RBFOX3: variants seen among roughly 807,000 people sequenced by gnomAD.
RBFOX3 encodes RNA binding fox-1 homolog 3, also known as RNA binding protein fox-1 homolog 3.
RBFOX3 carries 17 observed loss-of-function variants against 48.7 expected under a neutral mutation model. That is an observed-to-expected ratio of 0.35 (90% CI 0.24 to 0.52). The LOEUF is 0.52. Ranked by LOEUF, RBFOX3 falls within the 20% of genes least tolerant of loss-of-function variation. The pLI, the probability that RBFOX3 is intolerant of heterozygous loss-of-function variation, is 0.94. For missense variants in RBFOX3, 382 were observed against 497.5 expected (o/e 0.77, Z 2.21); for synonymous variants, 212 against 209.5 (o/e 1.01, Z -0.10).
chr17:79,333,139 G>T (rs949290527), intron 2 of RBFOX3, among the ~76,000 whole-genome samples: 2 of 152,114 alleles, frequency 1.3e-5, no homozygotes, highest in Admixed American at 6.5e-5. Flanking sequence ...GAGGAGGACA[G>T]GCCAGGGGAG....
the RBFOX3 span, among the ~76,000 whole-genome samples, chr17:79,659,340 G>C: frequency 2.0e-5 from 3 of 152,192 alleles, no homozygotes; most frequent in African/African-American, 7.2e-5. Flanking sequence ...GAGGGTATCT[G>C]GGTCAAGCGG....
chr17:79,198,302 G>A lies in RBFOX3; in HGVS notation c.-34+37464C>T, dbSNP rs1475397843. Reference sequence around the variant, plus strand: ...TGCACCTCTCCATCCCACATGAGGCGACCTTGCAGGCACAGGTGCGGACAG... The same window carrying A: ...TGCACCTCTCCATCCCACATGAGGCAACCTTGCAGGCACAGGTGCGGACAG... On this transcript the variant is annotated intron_variant, in intron 4 of 14. Transcript: ENST00000693108. The surrounding 1 kb of genome is among the most constrained non-coding windows in gnomAD (Gnocchi z 8.2). 3.9e-5 allele frequency among the ~76,000 whole-genome samples: 6 copies of A among 152,336 alleles called. No individual in the cohort carries two copies. The highest frequency in any genetic ancestry group is 2.0e-4 in the Admixed American group (3 of 15,298).
chr17:79,590,604 G>C (rs2093387641), intron 1 of RBFOX3, among the ~76,000 whole-genome samples: 1 of 152,138 alleles, frequency 6.6e-6, no homozygotes, highest in Non-Finnish European at 1.5e-5. Flanking sequence ...CCGCCTCCCA[G>C]GACATCCCAG....
intron 4 of RBFOX3, among the ~76,000 whole-genome samples, chr17:79,124,085 C>T (rs534369097): frequency 6.6e-6 from 1 of 152,344 alleles, no homozygotes; most frequent in African/African-American, 2.4e-5. Context: ...TGGCGGCTGG[C>T]TCATCCCAGC....
At chr17:79,266,864 G>A (rs1289229509) in intron 3 of RBFOX3, among the ~76,000 whole-genome samples, 1 of 152,112 alleles carries the variant, frequency 6.6e-6, no homozygotes, top group Admixed American at 6.5e-5. Flanking sequence ...GAGTGATGGG[G>A]TGAGGGCATA....
At chr17:79,656,507 G>A in the RBFOX3 span, among the ~76,000 whole-genome samples, 292 of 151,944 alleles carry the variant, frequency 1.9e-3, 1 homozygote, top group African/African-American at 6.6e-3. Flanking sequence ...GCAGCTATTC[G>A]GGAGGCTGAG....
At chr17:79,291,667 T>C (rs1183121958) in intron 3 of RBFOX3, among the ~76,000 whole-genome samples, 1 of 150,600 alleles carries the variant, frequency 6.6e-6, no homozygotes, top group Non-Finnish European at 1.5e-5. Context: ...AAACAGGGAG[T>C]TTTCTCTGAA....
intron 2 of RBFOX3, among the ~76,000 whole-genome samples, chr17:79,331,704 G>A (rs190394541): frequency 5.9e-5 from 9 of 152,328 alleles, no homozygotes; most frequent in South Asian, 4.1e-4. Context: ...AATTGACACC[G>A]CAAGGACTTT....
chr17:79,144,617 A>G (rs2042640188), intron 4 of RBFOX3, among the ~76,000 whole-genome samples: 2 of 152,166 alleles, frequency 1.3e-5, no homozygotes, highest in Non-Finnish European at 2.9e-5. Flanking sequence ...GTTGAGCCAC[A>G]GGAGGAGGAA....
At chr17:79,349,831 C>T (rs568249020) in intron 2 of RBFOX3, among the ~76,000 whole-genome samples, 39 of 151,796 alleles carry the variant, frequency 2.6e-4, no homozygotes, top group Non-Finnish European at 2.8e-4. Context: ...TAGGCACAGC[C>T]GTGATCACCA....
In RBFOX3 at chr17:79,252,655, C is replaced by A. The variant is rs574777127; in HGVS notation, c.-73-16850G>T. Among the ~76,000 whole-genome samples the A allele has an allele frequency of 5.9e-5, 9 of 152,324 alleles. No individual in the cohort carries two copies. The highest frequency in any genetic ancestry group is 4.6e-4 in the Admixed American group (7 of 15,298). Reference sequence around the variant, plus strand: ...GGCCACCCATCCAGCTCGTTTCAAGCCGCTACGTTTGTTTGCGACGGCGGC... The same window carrying A: ...GGCCACCCATCCAGCTCGTTTCAAGACGCTACGTTTGTTTGCGACGGCGGC... On this transcript the variant is annotated intron_variant, in intron 3 of 14. Coordinates refer to ENST00000693108, the MANE Select transcript of RBFOX3 (RefSeq NM_001350451.2). This position sits in a 1 kb window ranked among gnomAD's most constrained non-coding sequence, Gnocchi z 4.0.
At chr17:79,119,244 T>G (rs2035040532) in intron 4 of RBFOX3, among the ~76,000 whole-genome samples, 1 of 152,130 alleles carries the variant, frequency 6.6e-6, no homozygotes, top group African/African-American at 2.4e-5. Context: ...GCATCTGTGG[T>G]GGGCAAGAGG....
At chr17:79,404,230 G>T (rs28421292) in intron 2 of RBFOX3, among the ~76,000 whole-genome samples, 19,510 of 152,274 alleles carry the variant, frequency 0.13, 1,433 homozygotes, top group African/African-American at 0.19. Context: ...ACTGAGGCCC[G>T]TGAGGACAGT....
chr17:79,264,383 T>C (rs1434037188), intron 3 of RBFOX3, among the ~76,000 whole-genome samples: 3 of 151,932 alleles, frequency 2.0e-5, no homozygotes, highest in Non-Finnish European at 2.9e-5. Flanking sequence ...GCTTTTTTTT[T>C]TTTAAAGACG....
chr17:79,233,795 C>CG (rs2061319939), intron 4 of RBFOX3: 1 of 152,084 alleles, frequency 6.6e-6, no homozygotes, highest in African/African-American at 2.4e-5. Flanking sequence ...TTAGTAGAGA[C>CG]GGGGTTTCAC....
intron 2 of RBFOX3, among the ~76,000 whole-genome samples, chr17:79,410,328 G>A (rs1275290546): frequency 2.6e-5 from 4 of 152,308 alleles, no homozygotes; most frequent in South Asian, 4.1e-4. Flanking sequence ...TCTCGTCTCC[G>A]TGCATCATTC....
chr17:79,195,454 T>C lies in RBFOX3; in HGVS notation c.-34+40312A>G, dbSNP rs1455493782. ...CAAAATGCAAAGCCAACTGGGTCTCTTCTTAGAGTAAGGCCGCACGCAAGT... is the reference window on the plus strand; with the variant it reads ...CAAAATGCAAAGCCAACTGGGTCTCCTCTTAGAGTAAGGCCGCACGCAAGT... On this transcript the variant is annotated intron_variant, in intron 4 of 14. Transcript: ENST00000693108. This position sits in a 1 kb window ranked among gnomAD's most constrained non-coding sequence, Gnocchi z 5.3. Among the ~76,000 whole-genome samples, 1 of 151,794 alleles carries C rather than the reference T, an allele frequency of 6.6e-6. No individual in the cohort carries two copies. The highest frequency in any genetic ancestry group is 1.5e-5 in the Non-Finnish European group (1 of 67,988).
intron 4 of RBFOX3, among the ~76,000 whole-genome samples, chr17:79,151,947 C>T (rs113921387): frequency 0.011 from 226 of 20,326 alleles, 52 homozygotes; most frequent in Middle Eastern, 0.026. Context: ...GAGGGAGGCG[C>T]GGATGGGAGG....
At chr17:79,225,923 C>T (rs9901026) in intron 4 of RBFOX3, among the ~76,000 whole-genome samples, 29,658 of 149,088 alleles carry the variant, frequency 0.2, 3,746 homozygotes, top group African/African-American at 0.37. Context: ...CAAAGGGCGA[C>T]AGTGGTGGGG....
Sources: gnomAD v4.1 joint callset for allele counts (sites outside exome capture counted in the v4.1 genomes callset) on GRCh38, gnomAD v4.1.1 for gene constraint, Gnocchi (gnomAD v3.1) non-coding constraint, MANE v1.5 for transcripts, NCBI Gene and HGNC (gene_info 2026-07-23, HGNC 2026-07-21) for gene names.